The following SIRT7 variants were observed in gnomAD, a reference collection of about 807,000 sequenced individuals.
SIRT7 encodes sirtuin 7.
In SIRT7, 32 loss-of-function variants were observed where a neutral mutation model predicts 42.8. The observed-to-expected ratio is 0.75, with a 90% CI of 0.56 to 1.00. The LOEUF (loss-of-function observed/expected upper bound fraction) is 1.00. Ranked by LOEUF, SIRT7 falls within the 50% of genes least tolerant of loss-of-function variation. SIRT7 has a pLI of 0.00. For synonymous variants in SIRT7, 297 were observed against 245.2 expected (o/e 1.21, Z -1.97); for missense variants, 553 against 572.2 (o/e 0.97, Z 0.34).
Position 81,913,929 on chromosome 17 carries a change from C to G in SIRT7, c.898-49G>C, listed in dbSNP as rs767541293. ...AGAGTAACAGCAGCCCAACCCTTCC[C>G]GGTGGCCTGTCAGCCTTGGCCCCTA... On this transcript the variant is annotated intron_variant, in intron 8 of 9. Coordinates refer to ENST00000328666, the MANE Select transcript of SIRT7 (RefSeq NM_016538.3). This position sits in a 1 kb window ranked among gnomAD's most constrained non-coding sequence, Gnocchi z 5.0. The G allele has an allele frequency of 1.3e-6, 2 of 1,544,116 alleles. No homozygotes were observed. Among genetic ancestry groups the G allele is most frequent in the African/African-American group, 2.7e-5 (2 of 72,938 alleles).
intron 4 of SIRT7, 26 bp from the exon 5 acceptor site, chr17:81,915,538 T>G (rs1475474612): frequency 6.2e-7 from 1 of 1,613,162 alleles, no homozygotes; most frequent in East Asian, 2.2e-5. Context: ...GAAGGCAAGG[T>G]GAGGAGAGCT....
At position 81,912,581 on chromosome 17, in the gene SIRT7, G is replaced by A; in HGVS notation, c.1038C>T (p.Pro346=). 2 of 1,613,566 alleles carry A rather than the reference G, an allele frequency of 1.2e-6. No homozygotes were observed. The highest frequency in any genetic ancestry group is 1.7e-6 in the Non-Finnish European group (2 of 1,179,978). ...GGCTGCCTTCTTCACCAGCACGCAG[G>A]GGAGTCGCCAGTGAGAAAATGGGAT... ...WQDPIFSLAT[P]LRAGEEGSHS... is the part of the protein sequence containing the mutation. The change falls in exon 10 of 10, where the codon CCC becomes CCT. Residue 346 remains proline (P), a synonymous_variant. Transcript: ENST00000328666.
chr17:81,915,221 C>T (rs2040772826), intron 5 of SIRT7: 1 of 596,856 alleles, frequency 1.7e-6, no homozygotes, highest in Non-Finnish European at 3.0e-6. Context: ...AGCTCTGAGG[C>T]TGAGGCTGGC....
At chr17:81,915,099 G>T in intron 5 of SIRT7, 5 of 492,422 alleles carry the variant, frequency 1.0e-5, no homozygotes, top group Non-Finnish European at 1.9e-5. Context: ...TTGGTTGAGG[G>T]TGTTCAGCAG....
rs187272255 is a variant in SIRT7, at chr17:81,914,516, G to A, written c.594C>T (p.Cys198=). 4.0e-5 allele frequency: 65 copies of A among 1,613,212 alleles called. No homozygotes were observed. The highest frequency in any genetic ancestry group is 5.0e-5 in the Non-Finnish European group (59 of 1,180,008). The change falls in exon 7 of 10, where the codon TGC becomes TGT. Residue 198 remains cysteine (C), a synonymous_variant. Coordinates refer to ENST00000328666, the MANE Select transcript of SIRT7 (RefSeq NM_016538.3). Reference sequence around the variant, plus strand: ...CCCGCACGTACTCCCTGTTGGGAACGCAGGAGGTACAGACCTAGAGGCAAG... The same window carrying A: ...CCCGCACGTACTCCCTGTTGGGAACACAGGAGGTACAGACCTAGAGGCAAG... ...GNMYIEVCTS[C]VPNREYVRVF...
chr17:81,915,694 A>G lies in SIRT7; in HGVS notation c.337-13T>C. ...GGATAGACGCTGCCTGCATGTCGAGAAAAAAGGTAAGCCAAGTCAAAAGGC... is the reference window on the plus strand; with the variant it reads ...GGATAGACGCTGCCTGCATGTCGAGGAAAAAGGTAAGCCAAGTCAAAAGGC... On this transcript the variant is annotated splice_polypyrimidine_tract_variant and intron_variant, in intron 3 of 9. Transcript: ENST00000328666. 5.0e-6 allele frequency: 8 copies of G among 1,613,142 alleles called. No homozygotes were observed. Among genetic ancestry groups the G allele is most frequent in the Non-Finnish European group, 5.9e-6 (7 of 1,179,696 alleles).
chr17:81,912,411 C>CGTGA lies in SIRT7; in HGVS notation c.*1_*4dup. The CGTGA allele has an allele frequency of 6.2e-7, 1 of 1,614,116 alleles. No homozygotes were observed. The highest frequency in any genetic ancestry group is 2.2e-5 in the East Asian group (1 of 44,888). ...AGTGCCAACTGTTCTTCATCGAGCA[C>CGTGA]GTGATTACGTCACTTTCTTCCTTTT... On this transcript the variant is annotated 3_prime_UTR_variant, in exon 10 of 10. Coordinates refer to ENST00000328666, the MANE Select transcript of SIRT7 (RefSeq NM_016538.3).
intron 7 of SIRT7, 37 bp from the exon 8 acceptor site, chr17:81,914,204 A>G (rs1312776154): frequency 1.2e-6 from 2 of 1,613,316 alleles, no homozygotes; most frequent in Non-Finnish European, 1.7e-6. Context: ...CACACACACA[A>G]GGGACAAGTC....
rs2040831324 is a variant in SIRT7 at position 81,917,670 on chromosome 17, C to T, written c.281G>A (p.Ser94Asn). The change falls in exon 3 of 10, where the codon AGC becomes AAC. Residue 94 changes from serine to asparagine, a missense_variant. Physicochemically the swap from Ser to Asn is conservative, Grantham distance 46 (BLOSUM62 1). Transcript: ENST00000328666. ...CAAGTATTTGGCGTTCCGGACGGCG[C>T]TGGCCAGCTCCCGGACCTTCCCCCG... ...ELRGKVRELA[S>N]AVRNAKYLVV... is the part of the protein sequence containing the mutation. The T allele has an allele frequency of 1.2e-6, 2 of 1,607,896 alleles. No homozygotes were observed. The highest frequency in any genetic ancestry group is 1.7e-6 in the Non-Finnish European group (2 of 1,177,804).
rs767754832 is a variant in SIRT7, at chr17:81,915,481, G to C, written c.439C>G (p.Leu147Val). 6 of 1,613,558 alleles carry C rather than the reference G, an allele frequency of 3.7e-6. No individual in the cohort carries two copies. In the African/African-American group the frequency reaches 8.0e-5, roughly 22 times the overall value. ...AADLSEAEPT[L>V]THMSITRLHE... ...AGACGGGTGATGCTCATGTGGGTGA[G>C]GGTTGGCTCGGCCTCGCTCAGGTCG... Residue 147 changes from leucine to valine, a missense_variant, in exon 5 of 10, where the codon CTC becomes GTC. Physicochemically the swap from Leu to Val is conservative, Grantham distance 32 (BLOSUM62 1). Transcript: ENST00000328666.
rs771922843 is a variant in SIRT7, at chr17:81,918,088, T to C, written c.44A>G (p.Glu15Gly). The change falls in exon 1 of 10, where the codon GAG becomes GGG. Residue 15 changes from glutamate (E) to glycine (G), a missense_variant. Coordinates refer to ENST00000328666, the MANE Select transcript of SIRT7 (RefSeq NM_016538.3). ...CTCCTCCCGCAACCTCCGGACCCGCTCCGCCGCTTTGCGCTCGGAGCGGCT... is the reference window on the plus strand; with the variant it reads ...CTCCTCCCGCAACCTCCGGACCCGCCCCGCCGCTTTGCGCTCGGAGCGGCT... The part of the protein sequence containing the change: ...GLSRSERKAA[E>G]RVRRLREEQQ... The C allele has an allele frequency of 1.3e-6, 2 of 1,551,316 alleles. No homozygotes were observed. Among genetic ancestry groups the C allele is most frequent in the Non-Finnish European group, 1.7e-6 (2 of 1,159,870 alleles).
intron 1 of SIRT7, 25 bp downstream of exon 1, chr17:81,918,014 G>C: frequency 7.1e-7 from 1 of 1,407,314 alleles, no homozygotes; most frequent in Admixed American, 3.1e-5. Flanking sequence ...GGGCATGGCC[G>C]GGCCGGGGAG....
chr17:81,912,947 C>G, intron 9 of SIRT7: 1 of 417,530 alleles, frequency 2.4e-6, no homozygotes, highest in South Asian at 2.1e-5. Flanking sequence ...AGGGATGAGT[C>G]ACTAGCAACT....
chr17:81,912,328 G>A lies in SIRT7; in HGVS notation c.*88C>T, dbSNP rs755947334. 7.6e-5 allele frequency: 114 copies of A among 1,509,266 alleles called. No homozygotes were observed. The Middle Eastern group carries it at 8.5e-4, about 11-fold the overall frequency. The allele number at this position is 1,509,266 out of a possible 1,614,324, so 93.5% of individuals were successfully genotyped here. On this transcript the variant is annotated 3_prime_UTR_variant, in exon 10 of 10. Coordinates refer to ENST00000328666, the MANE Select transcript of SIRT7 (RefSeq NM_016538.3). Reference sequence around the variant, plus strand: ...TGAAAATGTCATCCCCAAAGAGTTCGTTCTCCCTAGACCCGTGGGGGCAAC... The same window carrying A: ...TGAAAATGTCATCCCCAAAGAGTTCATTCTCCCTAGACCCGTGGGGGCAAC...
Position 81,912,543 on chromosome 17 carries a change from G to C in SIRT7, c.1076C>G (p.Ser359Trp). ...AGEEGSHSRK[S>W]LCRSREEAPP... ...GGCCTCCTCTCTGCTTCTGCACAGC[G>C]ACTTCCGACTGTGGCTGCCTTCTTC... The change falls in exon 10 of 10, where the codon TCG (serine) becomes TGG (tryptophan). Residue 359 changes from serine to tryptophan, a missense_variant. Coordinates refer to ENST00000328666, the MANE Select transcript of SIRT7 (RefSeq NM_016538.3). 1.9e-6 allele frequency: 3 copies of C among 1,613,746 alleles called. No homozygotes were observed. In the South Asian group the frequency reaches 3.3e-5, roughly 18 times the overall value.
chr17:81,916,839 G>C (rs998368887), intron 3 of SIRT7: 1 of 152,158 alleles, frequency 6.6e-6, no homozygotes, highest in Non-Finnish European at 1.5e-5. Context: ...AGTCAGTAGT[G>C]AACTCCCTTT....
At chr17:81,912,830 C>T (rs1476079083) in intron 9 of SIRT7, 1 of 615,946 alleles carries the variant, frequency 1.6e-6, no homozygotes, top group Non-Finnish European at 2.9e-6. Flanking sequence ...CAAAGGTCGG[C>T]ACCCACACTA....
In SIRT7 at chr17:81,912,318, CAA is replaced by C. The variant is rs1213120343; in HGVS notation, c.*96_*97del. ...AATGTCACGGTGAAAATGTCATCCC[CAA>C]AGAGTTCGTTCTCCCTAGACCCGTG... On this transcript the variant is annotated 3_prime_UTR_variant, in exon 10 of 10. Coordinates refer to ENST00000328666, the MANE Select transcript of SIRT7 (RefSeq NM_016538.3). The C allele has an allele frequency of 2.8e-6, 4 of 1,445,302 alleles. No individual in the cohort carries two copies. Among genetic ancestry groups the C allele is most frequent in the African/African-American group, 1.4e-5 (1 of 71,518 alleles). The allele number at this position is 1,445,302 out of a possible 1,614,324, so 89.5% of individuals were successfully genotyped here. A position where few individuals can be genotyped will look rare whatever the true frequency, so the allele number is the denominator to read the frequency against.
chr17:81,917,895 C>T lies in SIRT7; in HGVS notation c.166G>A (p.Asp56Asn). Residue 56 changes from aspartate to asparagine, a missense_variant, in exon 2 of 10, where the codon GAC becomes AAC. Asp to Asn is a conservative substitution (Grantham distance 23). Coordinates refer to ENST00000328666, the MANE Select transcript of SIRT7 (RefSeq NM_016538.3). ...CGGCCCTGCAGCTCCGTTACCAGGT[C>T]CGCGCTCTCGGCCAGCAGCCGGCCC... ...EEGRLLAESA[D>N]LVTELQGRSR... 7.0e-7 allele frequency: 1 copy of T among 1,430,864 alleles called. No homozygotes were observed. Among genetic ancestry groups the T allele is most frequent in the African/African-American group, 1.5e-5 (1 of 67,370 alleles). The allele number at this position is 1,430,864 out of a possible 1,614,324, so 88.6% of individuals were successfully genotyped here.
Sources: gnomAD v4.1 joint callset for allele counts on GRCh38, gnomAD v4.1.1 for gene constraint, Gnocchi (gnomAD v3.1) non-coding constraint, MANE v1.5 for transcripts, NCBI Gene and HGNC (gene_info 2026-07-23, HGNC 2026-07-21) for gene names.